Variants in ARMH3 observed in about 807,000 individuals in gnomAD.
ARMH3 encodes armadillo like helical domain containing 3, also known as armadillo-like helical domain-containing protein 3.
A neutral mutation model predicts 99.1 loss-of-function variants in ARMH3; 60 were observed. The observed-to-expected ratio is 0.61, with a 90% CI of 0.49 to 0.75. The LOEUF is 0.75. ARMH3 is among the 30% of genes least tolerant of loss of function. The probability of loss-of-function intolerance (pLI) is 0.00; values close to 1 mark genes in which losing one functional copy is unlikely to be tolerated. For missense variants in ARMH3, 679 were observed against 843.1 expected, an observed-to-expected ratio of 0.81 and a Z score of 2.41; for synonymous variants, 285 against 292.8, an observed-to-expected ratio of 0.97 and a Z score of 0.27.
intron 9 of ARMH3, among the ~76,000 whole-genome samples, chr10:102,013,570 C>T (rs2066678094): frequency 6.6e-6 from 1 of 152,182 alleles, no homozygotes; most frequent in African/African-American, 2.4e-5. Flanking sequence ...CAGATCATCC[C>T]CCTGTTTCAG....
At chr10:102,001,086 G>C (rs527741136) in intron 15 of ARMH3, among the ~76,000 whole-genome samples, 1 of 152,136 alleles carries the variant, frequency 6.6e-6, no homozygotes, top group East Asian at 1.9e-4. Flanking sequence ...CAAAGGGCTG[G>C]GATTACAGGC....
intron 19 of ARMH3, among the ~76,000 whole-genome samples, chr10:101,985,258 A>ATG (rs950591628): frequency 2.0e-5 from 3 of 148,926 alleles, no homozygotes; most frequent in Non-Finnish European, 3.0e-5. Context: ...GTGTATATAT[A>ATG]TGTGTATATA....
At chr10:101,854,847 A>T (rs943922850) in intron 24 of ARMH3, among the ~76,000 whole-genome samples, 3 of 151,904 alleles carry the variant, frequency 2.0e-5, no homozygotes, top group African/African-American at 7.3e-5. Flanking sequence ...TGATGTGAGG[A>T]TAACATGAGA....
In ARMH3 at chr10:101,938,260, A is replaced by G. The variant is rs566792350; in HGVS notation, c.1781+1603T>C. 5.3e-5 allele frequency among the ~76,000 whole-genome samples: 8 copies of G among 152,364 alleles called. No individual in the cohort carries two copies. The South Asian group carries it at 1.7e-3, about 32-fold the overall frequency. Reference sequence around the variant, plus strand: ...GTGATTATTGCAGCAAGTTCATCAGAGAAATTTAAGGAATGAAAATGAAGG... The same window carrying G: ...GTGATTATTGCAGCAAGTTCATCAGGGAAATTTAAGGAATGAAAATGAAGG... On this transcript the variant is annotated intron_variant, in intron 23 of 25. Coordinates refer to ENST00000370033, the MANE Select transcript of ARMH3 (RefSeq NM_024541.3).
intron 24 of ARMH3, among the ~76,000 whole-genome samples, chr10:101,875,988 C>T (rs760507703): frequency 2.7e-4 from 41 of 152,078 alleles, no homozygotes; most frequent in Non-Finnish European, 4.4e-4. Flanking sequence ...GTGGTTCACG[C>T]CTGTAATCCC....
chr10:101,851,308 G>A (rs997794578), intron 24 of ARMH3, among the ~76,000 whole-genome samples: 9 of 152,120 alleles, frequency 5.9e-5, no homozygotes, highest in African/African-American at 2.2e-4. Context: ...GGACAATCAG[G>A]GGAGAGGCAC....
chr10:101,962,519 T>C (rs1030115392), intron 20 of ARMH3, among the ~76,000 whole-genome samples: 2 of 152,118 alleles, frequency 1.3e-5, no homozygotes, highest in African/African-American at 4.8e-5. Flanking sequence ...TGGTCATAAA[T>C]GGCAGGAAAG....
At chr10:101,941,250 C>A (rs1419872971) in intron 22 of ARMH3, among the ~76,000 whole-genome samples, 1 of 152,186 alleles carries the variant, frequency 6.6e-6, no homozygotes, top group African/African-American at 2.4e-5. Context: ...TAGAAAATAA[C>A]AGCAATACCT....
At chr10:102,002,860 C>A (rs914038638) in intron 14 of ARMH3, among the ~76,000 whole-genome samples, 1 of 151,666 alleles carries the variant, frequency 6.6e-6, no homozygotes, top group African/African-American at 2.4e-5. Flanking sequence ...ACTAGGGAAG[C>A]TGAGGCAGGA....
chr10:102,033,925 A>G (rs904920639), intron 2 of ARMH3, among the ~76,000 whole-genome samples: 3 of 152,242 alleles, frequency 2.0e-5, no homozygotes, highest in African/African-American at 7.2e-5. Flanking sequence ...AAACATCAGA[A>G]TAAGTTAGTC....
intron 23 of ARMH3, among the ~76,000 whole-genome samples, chr10:101,895,236 T>G (rs775271873): frequency 7.9e-5 from 12 of 151,700 alleles, no homozygotes; most frequent in Non-Finnish European, 1.5e-4. Context: ...CAACTCGAAA[T>G]GGATCACAGA....
At chr10:101,854,045 G>A (rs940095113) in intron 24 of ARMH3, among the ~76,000 whole-genome samples, 8 of 151,656 alleles carry the variant, frequency 5.3e-5, no homozygotes, top group East Asian at 3.9e-4. Flanking sequence ...CCCAGGAGGC[G>A]GAGGTTGCAG....
At chr10:101,881,303 TAG>T (rs201768674) in intron 24 of ARMH3, among the ~76,000 whole-genome samples, 336 of 152,230 alleles carry the variant, frequency 2.2e-3, no homozygotes, top group African/African-American at 7.8e-3. Flanking sequence ...AATTTATATG[TAG>T]AGAGATTTTT....
At chr10:101,873,811 T>C (rs1051041100) in intron 24 of ARMH3, among the ~76,000 whole-genome samples, 11 of 152,254 alleles carry the variant, frequency 7.2e-5, no homozygotes, top group Non-Finnish European at 1.6e-4. Flanking sequence ...CATGTATCAG[T>C]ACCTCCTTCT....
intron 23 of ARMH3, among the ~76,000 whole-genome samples, chr10:101,911,073 G>A (rs538105359): frequency 6.6e-6 from 1 of 150,906 alleles, no homozygotes; most frequent in Non-Finnish European, 1.5e-5. Flanking sequence ...CAGAGGAGGC[G>A]GAGGTTGCAG....
chr10:101,965,927 T>C (rs541252125), intron 20 of ARMH3, among the ~76,000 whole-genome samples: 2 of 152,140 alleles, frequency 1.3e-5, no homozygotes, highest in African/African-American at 4.8e-5. Flanking sequence ...GCTGAAAGAG[T>C]ATGACAACAG....
chr10:101,873,723 G>T (rs1271356026), intron 24 of ARMH3, among the ~76,000 whole-genome samples: 2 of 152,052 alleles, frequency 1.3e-5, no homozygotes. Flanking sequence ...TCAAATAAAA[G>T]AAATCACACA....
At chr10:102,028,649 A>G (rs2067054601) in intron 5 of ARMH3, among the ~76,000 whole-genome samples, 1 of 152,336 alleles carries the variant, frequency 6.6e-6, no homozygotes, top group South Asian at 2.1e-4. Context: ...AAAAGGCTAC[A>G]TATGATATGA....
intron 23 of ARMH3, among the ~76,000 whole-genome samples, chr10:101,918,947 T>C (rs771866135): frequency 6.6e-6 from 1 of 152,226 alleles, no homozygotes; most frequent in Admixed American, 6.5e-5. Flanking sequence ...GGCACAGGTA[T>C]GTGGCATTAG....
Sources: gnomAD v4.1 joint callset for allele counts (sites outside exome capture counted in the v4.1 genomes callset) on GRCh38, gnomAD v4.1.1 for gene constraint, MANE v1.5 for transcripts, NCBI Gene and HGNC (gene_info 2026-07-23, HGNC 2026-07-21) for gene names.